The following JADE1 variants were observed in gnomAD, a reference collection of about 807,000 sequenced individuals.
JADE1 encodes protein Jade-1.
Under a neutral mutation model 81.8 loss-of-function variants are expected in JADE1, and 14 were observed. The observed-to-expected ratio is 0.17, with a 90% CI of 0.11 to 0.27. The LOEUF is 0.27. Among genes scored for constraint, JADE1 ranks in the 10% least tolerant of loss-of-function variants. The probability of loss-of-function intolerance (pLI) is 1.00; values close to 1 mark genes in which losing one functional copy is unlikely to be tolerated. For missense variants in JADE1, 690 were observed against 1,047.9 expected (o/e 0.66, Z 4.71); for synonymous variants, 353 against 391.9 (o/e 0.90, Z 1.17).
chr4:128,874,085 C>T lies in JADE1; in HGVS notation c.*1823C>T, dbSNP rs1419832497. The T allele has an allele frequency of 6.6e-6, 1 of 152,578 alleles. No individual in the cohort carries two copies. Among genetic ancestry groups the T allele is most frequent in the Non-Finnish European group, 1.5e-5 (1 of 68,028 alleles). 9.5% of individuals were successfully genotyped at this position (152,578 alleles called of 1,614,324 possible). ...GGGCTCATTTTGAAAGACTGCTGTC[C>T]AGATCAGCTTGTTGCTGCAGATAAT... On this transcript the variant is annotated 3_prime_UTR_variant, in exon 11 of 11. Coordinates refer to ENST00000226319, the MANE Select transcript of JADE1 (RefSeq NM_199320.4).
At chr4:128,857,279 A>G in intron 7 of JADE1, 59 bp from the exon 8 acceptor site, 2 of 1,261,936 alleles carry the variant, frequency 1.6e-6, no homozygotes, top group Non-Finnish European at 2.3e-6. Flanking sequence ...AGTTTCTGAC[A>G]TTCATGTTCA....
rs202245727 is a variant in JADE1 at position 128,834,530 on chromosome 4, C to CTT, written c.52+2740_52+2741dup. Among the ~76,000 whole-genome samples the CTT allele has an allele frequency of 2.7e-3, 267 of 99,154 alleles. 2 individuals are homozygous for CTT. Among genetic ancestry groups the CTT allele is most frequent in the African/African-American group, 8.0e-3 (223 of 28,048 alleles). The allele number at this position is 99,154 out of a possible 152,430, so 65.0% of individuals were successfully genotyped here. A position where few individuals can be genotyped will look rare whatever the true frequency, so the allele number is the denominator to read the frequency against. On this transcript the variant is annotated intron_variant, in intron 2 of 10. Transcript: ENST00000226319. ...AAAAGCCCTAGAAGACCAAATATTTCTTTTTTTTTTTTTTTTTTTTTGAGA... is the reference window on the plus strand; with the variant it reads ...AAAAGCCCTAGAAGACCAAATATTTCTTTTTTTTTTTTTTTTTTTTTTTGAGA...
At chr4:128,818,358 T>C (rs905349481) in intron 1 of JADE1, among the ~76,000 whole-genome samples, 1 of 151,988 alleles carries the variant, frequency 6.6e-6, no homozygotes, top group Non-Finnish European at 1.5e-5. Flanking sequence ...TGACCTCAGG[T>C]GATGCACCCG....
At chr4:128,810,569 A>G (rs570298884) in intron 1 of JADE1, among the ~76,000 whole-genome samples, 3 of 151,246 alleles carry the variant, frequency 2.0e-5, no homozygotes, top group African/African-American at 7.3e-5. Flanking sequence ...TCGCGTACAT[A>G]TATGAATCCA....
chr4:128,829,122 T>C (rs1259686339), intron 1 of JADE1, among the ~76,000 whole-genome samples: 2 of 152,186 alleles, frequency 1.3e-5, no homozygotes, highest in Non-Finnish European at 2.9e-5. Context: ...GTTGGTGTTT[T>C]TGGCACACAC....
chr4:128,824,841 G>T (rs1261386998), intron 1 of JADE1, among the ~76,000 whole-genome samples: 1 of 152,110 alleles, frequency 6.6e-6, no homozygotes, highest in Non-Finnish European at 1.5e-5. Flanking sequence ...CAGCCTTTCT[G>T]CATATGAGCC....
chr4:128,828,937 G>A (rs1185708995), intron 1 of JADE1, among the ~76,000 whole-genome samples: 1 of 152,132 alleles, frequency 6.6e-6, no homozygotes, highest in Non-Finnish European at 1.5e-5. Context: ...GAGCCACCGC[G>A]ACCAGCCTAG....
At chr4:128,851,927 T>C in intron 5 of JADE1, 130 bp from the exon 6 acceptor site, 1 of 692,902 alleles carries the variant, frequency 1.4e-6, no homozygotes, top group Non-Finnish European at 2.4e-6. Context: ...TGGCCAGTGA[T>C]TGGATTTATT....
At chr4:128,845,470 GT>G (rs930337652) in intron 3 of JADE1, among the ~76,000 whole-genome samples, 1 of 152,164 alleles carries the variant, frequency 6.6e-6, no homozygotes, top group African/African-American at 2.4e-5. Flanking sequence ...GTGCAAACAT[GT>G]TTTTTGCAGG....
rs1459499654 is a variant in JADE1 at position 128,854,191 on chromosome 4, C to T, written c.697-1439C>T. On this transcript the variant is annotated intron_variant, in intron 6 of 10. Coordinates refer to ENST00000226319, the MANE Select transcript of JADE1 (RefSeq NM_199320.4). ...ATGTCAGGGCAGGCTTGTGCAAGCT[C>T]TCACGGTGGACGTGTGGCAGAGTTG... Among the ~76,000 whole-genome samples, 3 of 152,112 alleles carry T rather than the reference C, an allele frequency of 2.0e-5. No individual in the cohort carries two copies. In the East Asian group the frequency reaches 5.8e-4, roughly 29 times the overall value.
chr4:128,825,455 C>G (rs1727974171), intron 1 of JADE1, among the ~76,000 whole-genome samples: 1 of 152,210 alleles, frequency 6.6e-6, no homozygotes, highest in South Asian at 2.1e-4. Flanking sequence ...CGCTCAAATT[C>G]CTGAGCCACC....
intron 1 of JADE1, 47 bp from the exon 2 acceptor site, chr4:128,831,686 A>G (rs912864658): frequency 2.2e-5 from 33 of 1,524,610 alleles, no homozygotes; most frequent in African/African-American, 2.7e-5. Flanking sequence ...CAACTTGATG[A>G]TTGTGTATTA....
chr4:128,852,023 A>G, intron 5 of JADE1, 34 bp from the exon 6 acceptor site: 1 of 1,376,342 alleles, frequency 7.3e-7, no homozygotes, highest in Non-Finnish European at 1.0e-6. Context: ...ATATGGATTT[A>G]TTAAAATGGG....
intron 1 of JADE1, among the ~76,000 whole-genome samples, chr4:128,820,686 CT>C (rs71589007): frequency 0.027 from 3,920 of 144,338 alleles, 75 homozygotes; most frequent in Middle Eastern, 0.057. Flanking sequence ...GAGTCTCTCT[CT>C]TTTTTTTTTT....
chr4:128,855,558 G>T (rs1372520097), intron 6 of JADE1, 72 bp from the exon 7 acceptor site: 86 of 1,392,992 alleles, frequency 6.2e-5, no homozygotes, highest in Non-Finnish European at 8.2e-5. Context: ...TGTTTAAAAT[G>T]AATAGATATA....
chr4:128,839,657 CT>C (rs67592201), intron 2 of JADE1, among the ~76,000 whole-genome samples: 3,645 of 148,108 alleles, frequency 0.025, 115 homozygotes, highest in African/African-American at 0.075. Context: ...AATATGGACT[CT>C]TTTTTTTTTG....
rs1327734703 is a variant in JADE1, at chr4:128,855,632, C to A, written c.699C>A (p.Ala233=). 2 of 1,609,330 alleles carry A rather than the reference C, an allele frequency of 1.2e-6. No individual in the cohort carries two copies. Among genetic ancestry groups the A allele is most frequent in the Non-Finnish European group, 1.7e-6 (2 of 1,177,080 alleles). ...TGGGATGTGCCGTGGCATCACAGGC[C>A]TGTTATGGAATCCTCAAGGTACCAG... ...CDKCNICVHQ[A]CYGILKVPEG... The change falls in exon 7 of 11, where the codon GCC becomes GCA. Residue 233 remains alanine, a splice_region_variant and synonymous_variant. Transcript: ENST00000226319.
intron 9 of JADE1, chr4:128,862,938 C>A (rs1731478335): frequency 1.0e-6 from 1 of 986,262 alleles, no homozygotes; most frequent in African/African-American, 1.8e-5. Flanking sequence ...CCATCCATGT[C>A]TCTGTTGTGT....
rs139397278 is a variant in JADE1, at chr4:128,838,188, A to G, written c.53-4765A>G. Among the ~76,000 whole-genome samples the G allele has an allele frequency of 3.9e-4, 60 of 152,298 alleles. 1 individual carries two copies. Among genetic ancestry groups the G allele is most frequent in the African/African-American group, 1.3e-3 (55 of 41,576 alleles). On this transcript the variant is annotated intron_variant, in intron 2 of 10. Coordinates refer to ENST00000226319, the MANE Select transcript of JADE1 (RefSeq NM_199320.4). The stretch of plus-strand genomic sequence containing the variant: ...GCCTTTTATAACTTTATATTAACCC[A>G]AAGGATTCTGTTTTAATGGAAGTTG...
Sources: gnomAD v4.1 joint callset for allele counts (sites outside exome capture counted in the v4.1 genomes callset) on GRCh38, gnomAD v4.1.1 for gene constraint, MANE v1.5 for transcripts, NCBI Gene and HGNC (gene_info 2026-07-23, HGNC 2026-07-21) for gene names.